SSBP3: variants seen among roughly 807,000 people sequenced by gnomAD.
SSBP3 encodes single stranded DNA binding protein 3.
SSBP3 carries 5 observed loss-of-function variants against 69.6 expected under a neutral mutation model. The ratio of observed to expected loss-of-function variants is 0.07; its 90% CI spans 0.04 to 0.15. The LOEUF (loss-of-function observed/expected upper bound fraction) is 0.15. SSBP3 is among the 10% of genes least tolerant of loss of function. The pLI is 1.00. For missense variants in SSBP3, 312 were observed against 534.0 expected (o/e 0.58, Z 4.10); for synonymous variants, 196 against 193.4 (o/e 1.01, Z -0.11).
At chr1:54,374,064 T>G (rs1468827767) in intron 4 of SSBP3, among the ~76,000 whole-genome samples, 3 of 152,080 alleles carry the variant, frequency 2.0e-5, no homozygotes, top group Non-Finnish European at 4.4e-5. Flanking sequence ...AAGAGGTGAC[T>G]AAAGGGCTCA....
At chr1:54,280,716 A>ACGGAGGAGGCGGCG (rs1264670288) in intron 5 of SSBP3, among the ~76,000 whole-genome samples, 2 of 129,006 alleles carry the variant, frequency 1.6e-5, no homozygotes, top group Non-Finnish European at 3.8e-5. Context: ...GAAGGTAGAG[A>ACGGAGGAGGCGGCG]CAGAGGAGGC....
At chr1:54,354,970 C>T (rs1489843009) in intron 4 of SSBP3, among the ~76,000 whole-genome samples, 2 of 152,158 alleles carry the variant, frequency 1.3e-5, no homozygotes, top group Non-Finnish European at 2.9e-5. Flanking sequence ...CATGCCTTTC[C>T]AAGGCCAGAA....
At chr1:54,228,181 C>T (rs1174355374) in intron 17 of SSBP3, 74 bp downstream of exon 17, 5 of 1,385,960 alleles carry the variant, frequency 3.6e-6, no homozygotes, top group African/African-American at 2.8e-5. Context: ...AGCCCGGCTC[C>T]GTAGCTCGCA....
chr1:54,277,167 G>T (rs1328576365), intron 5 of SSBP3, among the ~76,000 whole-genome samples: 5 of 150,980 alleles, frequency 3.3e-5, no homozygotes, highest in Non-Finnish European at 5.9e-5. Context: ...ACTACATCAG[G>T]GATGGCAAAG....
chr1:54,280,760 G>A (rs555292885), intron 5 of SSBP3, among the ~76,000 whole-genome samples: 2 of 134,890 alleles, frequency 1.5e-5, no homozygotes, highest in Admixed American at 1.5e-4. Context: ...GCCCAACCTG[G>A]CAAAACAGAA....
At chr1:54,228,950 C>G in intron 14 of SSBP3, 124 bp from the exon 15 acceptor site, 1 of 1,006,542 alleles carries the variant, frequency 9.9e-7, no homozygotes, top group East Asian at 2.6e-5. Context: ...GCAGGCTCTG[C>G]TCACACTCGG....
chr1:54,388,625 T>G (rs1648255655), intron 4 of SSBP3, among the ~76,000 whole-genome samples: 1 of 152,244 alleles, frequency 6.6e-6, no homozygotes, highest in African/African-American at 2.4e-5. Flanking sequence ...ATCCATCTGC[T>G]GCAGGTAATG....
At chr1:54,243,096 A>G in intron 10 of SSBP3, 139 bp downstream of exon 10, 1 of 796,268 alleles carries the variant, frequency 1.3e-6, no homozygotes, top group South Asian at 1.6e-5. Context: ...GATCATCAAT[A>G]TCCTCACATT....
At chr1:54,347,833 G>C (rs1215097765) in intron 4 of SSBP3, among the ~76,000 whole-genome samples, 1 of 152,210 alleles carries the variant, frequency 6.6e-6, no homozygotes, top group Non-Finnish European at 1.5e-5. Flanking sequence ...ACCTTCAGAG[G>C]GCATGGCCCT....
intron 4 of SSBP3, among the ~76,000 whole-genome samples, chr1:54,373,846 G>A (rs972989557): frequency 2.6e-5 from 4 of 152,006 alleles, no homozygotes; most frequent in African/African-American, 9.7e-5. Context: ...TCACACCCAG[G>A]GGCTGCTTGA....
At chr1:54,342,119 G>A (rs1170238066) in intron 4 of SSBP3, among the ~76,000 whole-genome samples, 5 of 152,208 alleles carry the variant, frequency 3.3e-5, no homozygotes, top group Non-Finnish European at 7.3e-5. Context: ...AGAGCACCAG[G>A]AGAGGTACTG....
At chr1:54,384,314 C>T (rs552968979) in intron 4 of SSBP3, among the ~76,000 whole-genome samples, 13 of 152,288 alleles carry the variant, frequency 8.5e-5, no homozygotes, top group Admixed American at 3.9e-4. Context: ...GGCCAGGGCT[C>T]GAACTGAGCA....
chr1:54,251,745 G>T (rs1327402383), intron 8 of SSBP3, 49 bp downstream of exon 8: 2 of 1,592,382 alleles, frequency 1.3e-6, no homozygotes, highest in Non-Finnish European at 1.7e-6. Context: ...GGGAGGAGGA[G>T]CCCCTCCTGG....
chr1:54,253,773 A>C (rs1294048578), intron 7 of SSBP3, among the ~76,000 whole-genome samples: 1 of 152,224 alleles, frequency 6.6e-6, no homozygotes, highest in Non-Finnish European at 1.5e-5. Flanking sequence ...CTTCAGGGTC[A>C]TGAGTCACCC....
chr1:54,326,815 C>T (rs1646313386), intron 4 of SSBP3, among the ~76,000 whole-genome samples: 1 of 152,126 alleles, frequency 6.6e-6, no homozygotes, highest in African/African-American at 2.4e-5. Flanking sequence ...TTGTTTCCAC[C>T]ACTGAAAATA....
At chr1:54,404,824 C>T in intron 2 of SSBP3, 34 bp downstream of exon 2, 3 of 1,231,602 alleles carry the variant, frequency 2.4e-6, no homozygotes, top group Non-Finnish European at 3.5e-6. Flanking sequence ...GGGGGGGTGT[C>T]AAGAAATTGG....
At chr1:54,400,246 A>T (rs1557594491) in intron 4 of SSBP3, among the ~76,000 whole-genome samples, 1 of 152,240 alleles carries the variant, frequency 6.6e-6, no homozygotes, top group Non-Finnish European at 1.5e-5. Context: ...CAGGCAAAAA[A>T]TAGCATAGAT....
At chr1:54,265,732 A>G (rs1324435525) in intron 5 of SSBP3, among the ~76,000 whole-genome samples, 1 of 152,230 alleles carries the variant, frequency 6.6e-6, no homozygotes, top group Non-Finnish European at 1.5e-5. Context: ...CATAAATACC[A>G]GGGATCCTTA....
chr1:54,339,885 G>A (rs1200087706), intron 4 of SSBP3, among the ~76,000 whole-genome samples: 1 of 152,006 alleles, frequency 6.6e-6, no homozygotes, highest in Non-Finnish European at 1.5e-5. Flanking sequence ...CTTCACTCCA[G>A]CACGGGCAAA....
Sources: gnomAD v4.1 joint callset for allele counts (sites outside exome capture counted in the v4.1 genomes callset) on GRCh38, gnomAD v4.1.1 for gene constraint, MANE v1.5 for transcripts, NCBI Gene and HGNC (gene_info 2026-07-23, HGNC 2026-07-21) for gene names.